The following ZSWIM6 variants were observed in gnomAD, a reference collection of about 807,000 sequenced individuals.
ZSWIM6 encodes the protein zinc finger SWIM-type containing 6.
A neutral mutation model predicts 113.2 loss-of-function variants in ZSWIM6; 9 were observed. That is an observed-to-expected ratio of 0.08 (90% confidence interval 0.05 to 0.14). The LOEUF is 0.14. Among genes scored for constraint, ZSWIM6 ranks in the 10% least tolerant of loss-of-function variants. ZSWIM6 has a pLI of 1.00. For missense variants in ZSWIM6, 1,162 were observed against 1,552.2 expected (o/e 0.75, Z 4.22); for synonymous variants, 611 against 606.5 (o/e 1.01, Z -0.11).
intron 1 of ZSWIM6, among the ~76,000 whole-genome samples, chr5:61,464,909 C>T (rs1352524900): frequency 6.6e-6 from 1 of 152,196 alleles, no homozygotes; most frequent in Non-Finnish European, 1.5e-5. Flanking sequence ...GCCACTTGGG[C>T]ACCAAAGGGC....
At chr5:61,502,243 G>A (rs1219055354) in intron 4 of ZSWIM6, among the ~76,000 whole-genome samples, 2 of 152,172 alleles carry the variant, frequency 1.3e-5, no homozygotes, top group African/African-American at 2.4e-5. Context: ...CAAAGGGAAG[G>A]CTGAAGCAGC....
chr5:61,493,703 A>G (rs1317569755), intron 3 of ZSWIM6, among the ~76,000 whole-genome samples: 1 of 152,102 alleles, frequency 6.6e-6, no homozygotes, highest in African/African-American at 2.4e-5. Flanking sequence ...AAACAGCAGC[A>G]CCTTGCTTAA....
intron 9 of ZSWIM6, among the ~76,000 whole-genome samples, chr5:61,534,604 T>A (rs890043842): frequency 2.0e-5 from 3 of 152,114 alleles, no homozygotes; most frequent in Non-Finnish European, 2.9e-5. Context: ...ATTAAAAACT[T>A]TACAGTAACT....
At chr5:61,383,427 A>G (rs1745525617) in intron 1 of ZSWIM6, among the ~76,000 whole-genome samples, 1 of 152,206 alleles carries the variant, frequency 6.6e-6, no homozygotes, top group Admixed American at 6.5e-5. Context: ...GGTAGTCATA[A>G]TTGAAATCTT....
intron 1 of ZSWIM6, chr5:61,375,178 A>T: frequency 1.2e-6 from 2 of 1,613,378 alleles, no homozygotes; most frequent in South Asian, 2.2e-5. Flanking sequence ...AAGGGGTCCA[A>T]TCCAGTCTTC....
chr5:61,451,519 A>C (rs191169455), intron 1 of ZSWIM6, among the ~76,000 whole-genome samples: 4 of 152,310 alleles, frequency 2.6e-5, no homozygotes, highest in African/African-American at 9.6e-5. Flanking sequence ...AAGAGTATTC[A>C]TGATTATTTG....
chr5:61,374,921 AAT>A (rs1182650542), intron 1 of ZSWIM6, among the ~76,000 whole-genome samples: 1 of 152,200 alleles, frequency 6.6e-6, no homozygotes, highest in African/African-American at 2.4e-5. Flanking sequence ...CTCCAGTGAA[AAT>A]GCCAACAGGA....
At chr5:61,376,047 A>AT (rs1289866087) in intron 1 of ZSWIM6, among the ~76,000 whole-genome samples, 13 of 93,282 alleles carry the variant, frequency 1.4e-4, no homozygotes, top group Admixed American at 5.2e-4. Flanking sequence ...TTGAACATCT[A>AT]TTTTTTTCTC....
intron 1 of ZSWIM6, among the ~76,000 whole-genome samples, chr5:61,405,361 A>G (rs1360582792): frequency 6.6e-5 from 10 of 152,184 alleles, no homozygotes; most frequent in African/African-American, 2.4e-4. Context: ...GGCCTGTCTA[A>G]TGGAGTATAG....
intron 1 of ZSWIM6, among the ~76,000 whole-genome samples, chr5:61,442,405 T>C (rs1299044488): frequency 6.6e-6 from 1 of 152,130 alleles, no homozygotes; most frequent in Non-Finnish European, 1.5e-5. Flanking sequence ...TGCTTCATGC[T>C]TAGGAGGGGT....
rs554718118 is a variant in ZSWIM6, at chr5:61,384,820, G to A, written c.676+51872G>A. ...CACCTGTAATCCCAGCACTTTGGGA[G>A]GCCGAGGCAGGCGGATCACGAGGTC... is the stretch of plus-strand genomic sequence containing the variant. On this transcript the variant is annotated intron_variant, in intron 1 of 13. Coordinates refer to ENST00000252744, the MANE Select transcript of ZSWIM6 (RefSeq NM_020928.2). Among the ~76,000 whole-genome samples the A allele has an allele frequency of 6.6e-5, 10 of 152,250 alleles. No homozygotes were observed. In the East Asian group the frequency reaches 1.7e-3, roughly 26 times the overall value.
chr5:61,352,346 T>G (rs1431033933), intron 1 of ZSWIM6, among the ~76,000 whole-genome samples: 7 of 152,246 alleles, frequency 4.6e-5, no homozygotes, highest in African/African-American at 1.7e-4. Flanking sequence ...AATATGTGTG[T>G]GAATATGTAT....
rs1401843651 is a variant in ZSWIM6 at position 61,332,455 on chromosome 5, G to T, written c.183G>T (p.Ala61=). 8 of 1,036,320 alleles carry T rather than the reference G, an allele frequency of 7.7e-6. No individual in the cohort carries two copies. In the African/African-American group the frequency reaches 1.2e-4, roughly 16 times the overall value. 64.2% of individuals were successfully genotyped at this position (1,036,320 alleles called of 1,614,324 possible). A position where few individuals can be genotyped will look rare whatever the true frequency, so the allele number is the denominator to read the frequency against. Reference sequence around the variant, plus strand: ...CGGCGGCGGCGTGCGGGGGCGGCGCGGCGCTGGGGTTGCTGCCGCCGGGCA... The same window carrying T: ...CGGCGGCGGCGTGCGGGGGCGGCGCTGCGCTGGGGTTGCTGCCGCCGGGCA... ...AAAAAACGGG[A]ALGLLPPGKT... The change falls in exon 1 of 14, where the codon GCG becomes GCT. Residue 61 remains alanine, a synonymous_variant. Transcript: ENST00000252744.
intron 2 of ZSWIM6, among the ~76,000 whole-genome samples, chr5:61,488,826 T>C (rs539299609): frequency 6.6e-6 from 1 of 152,166 alleles, no homozygotes; most frequent in East Asian, 1.9e-4. Context: ...CTTTCCATTG[T>C]AATGCATGGA....
At chr5:61,515,374 G>C (rs1320234486) in intron 4 of ZSWIM6, among the ~76,000 whole-genome samples, 1 of 152,106 alleles carries the variant, frequency 6.6e-6, no homozygotes, top group Non-Finnish European at 1.5e-5. Context: ...ACCTTAGGCA[G>C]TCCACCTGCC....
At position 61,530,181 on chromosome 5, in the gene ZSWIM6, G is replaced by C; in HGVS notation, c.1967G>C (p.Gly656Ala). Residue 656 changes from glycine (G) to alanine (A), a missense_variant, in exon 8 of 14, where the codon GGG becomes GCG. By Grantham distance (60) the Gly-to-Ala change is moderately conservative. Around this residue, in one of 4 missense-constraint regions of ZSWIM6, gnomAD observed 620 missense variants for 804.6 expected, o/e 0.77. Transcript: ENST00000252744. ...CGCATTGATGATGAGAACCTCTCTG[G>C]GTTCTCAGATTTTACAGGTAAAACC... The part of the protein sequence containing the change: ...ACRIDDENLS[G>A]FSDFTENMGQ... 6.4e-7 allele frequency: 1 copy of C among 1,550,834 alleles called. No homozygotes were observed. The highest frequency in any genetic ancestry group is 8.7e-7 in the Non-Finnish European group (1 of 1,146,400).
At chr5:61,459,741 T>C (rs1296289339) in intron 1 of ZSWIM6, among the ~76,000 whole-genome samples, 2 of 152,234 alleles carry the variant, frequency 1.3e-5, no homozygotes, top group African/African-American at 4.8e-5. Flanking sequence ...TACTTCTAAG[T>C]GCCACCAGAT....
intron 1 of ZSWIM6, among the ~76,000 whole-genome samples, chr5:61,442,531 C>A (rs1402744246): frequency 6.6e-6 from 1 of 152,172 alleles, no homozygotes; most frequent in Non-Finnish European, 1.5e-5. Context: ...AGACAGATCA[C>A]AGCAGGACCA....
intron 1 of ZSWIM6, among the ~76,000 whole-genome samples, chr5:61,377,515 G>A (rs867904074): frequency 2.0e-5 from 3 of 151,892 alleles, no homozygotes; most frequent in African/African-American, 4.8e-5. Flanking sequence ...TCAGGAGATC[G>A]GAGACCAGCC....
Sources: allele counts gnomAD v4.1 joint callset (sites outside exome capture counted in the v4.1 genomes callset), GRCh38; gene constraint gnomAD v4.1.1; regional missense constraint gnomAD v4.1.1; transcripts MANE v1.5; gene names NCBI Gene and HGNC (gene_info 2026-07-23, HGNC 2026-07-21).